The following SLC25A17 variants were observed in gnomAD, a reference collection of about 807,000 sequenced individuals.
The protein encoded by SLC25A17 is solute carrier family 25 member 17.
Under a neutral mutation model 38.5 loss-of-function variants are expected in SLC25A17, and 26 were observed. That is an observed-to-expected ratio of 0.68 (90% CI 0.50 to 0.94). The LOEUF (loss-of-function observed/expected upper bound fraction) is 0.94. Ranked by LOEUF, SLC25A17 falls within the 40% of genes least tolerant of loss-of-function variation. The probability of loss-of-function intolerance (pLI) is 0.00; values close to 1 mark genes in which losing one functional copy is unlikely to be tolerated. For missense variants in SLC25A17, 333 were observed against 372.7 expected, an observed-to-expected ratio of 0.89 and a Z score of 0.88; for synonymous variants, 139 against 136.2, an observed-to-expected ratio of 1.02 and a Z score of -0.14.
chr22:40,772,475 T>C (rs1180880873), intron 8 of SLC25A17, among the ~76,000 whole-genome samples: 1 of 152,086 alleles, frequency 6.6e-6, no homozygotes, highest in Admixed American at 6.6e-5. Context: ...TAGCTAATTT[T>C]TTATTTGTGT....
At chr22:40,802,305 C>G (rs552308841) in intron 1 of SLC25A17, among the ~76,000 whole-genome samples, 1 of 152,060 alleles carries the variant, frequency 6.6e-6, no homozygotes, top group Non-Finnish European at 1.5e-5. Context: ...AACAGTCAGC[C>G]CAAACAGCTC....
intron 4 of SLC25A17, chr22:40,780,332 A>ATCAG (rs1446453839): frequency 1.3e-5 from 2 of 152,244 alleles, no homozygotes; most frequent in African/African-American, 2.4e-5. Context: ...TAATAATTTT[A>ATCAG]TCAGTCGTAT....
intron 2 of SLC25A17, 37 bp from the exon 3 acceptor site, chr22:40,794,617 T>TAAAAAA: frequency 7.1e-7 from 1 of 1,406,122 alleles, no homozygotes; most frequent in Non-Finnish European, 9.7e-7. Context: ...TTTTATTAAT[T>TAAAAAA]AAAAAAAAAA....
intron 8 of SLC25A17, among the ~76,000 whole-genome samples, chr22:40,772,451 GGC>G: frequency 6.6e-6 from 1 of 151,970 alleles, no homozygotes; most frequent in African/African-American, 2.4e-5. Context: ...ACTACAGGCA[GGC>G]ACCAGGATGC....
chr22:40,808,647 ATG>A (rs2057550753), intron 1 of SLC25A17, among the ~76,000 whole-genome samples: 1 of 152,222 alleles, frequency 6.6e-6, no homozygotes, highest in Non-Finnish European at 1.5e-5. Context: ...TCTCTGTACA[ATG>A]TTTTTATAAA....
chr22:40,779,143 G>C lies in SLC25A17; in HGVS notation c.335-18C>G, dbSNP rs995268804. 1.4e-5 allele frequency: 22 copies of C among 1,613,988 alleles called. No homozygotes were observed. The highest frequency in any genetic ancestry group is 1.9e-5 in the Non-Finnish European group (22 of 1,180,032). On this transcript the variant is annotated intron_variant, in intron 4 of 8. Transcript: ENST00000435456. ...AACCACTCCTTTAACAAGAAAGATG[G>C]AGAGAAAAAGGGAAGGCAAAATGTC...
intron 4 of SLC25A17, chr22:40,784,680 A>C (rs756488250): frequency 2.0e-5 from 3 of 151,408 alleles, no homozygotes; most frequent in Admixed American, 6.7e-5. Context: ...AGGCCGAGGC[A>C]GGGGGATCTC....
intron 8 of SLC25A17, among the ~76,000 whole-genome samples, chr22:40,773,210 C>T (rs2057202755): frequency 6.6e-6 from 1 of 151,982 alleles, no homozygotes; most frequent in African/African-American, 2.4e-5. Context: ...GAGATCAAGA[C>T]CATCCTGGCA....
At chr22:40,779,255 G>A in intron 4 of SLC25A17, 130 bp from the exon 5 acceptor site, 1 of 1,529,236 alleles carries the variant, frequency 6.5e-7, no homozygotes, top group Non-Finnish European at 8.8e-7. Context: ...CTAAGGTAAG[G>A]TGTCTCTTTG....
intron 1 of SLC25A17, among the ~76,000 whole-genome samples, chr22:40,801,106 GA>G (rs2057476648): frequency 1.3e-5 from 1 of 74,900 alleles, no homozygotes; most frequent in South Asian, 3.9e-4. Context: ...TCTCAAAAAA[GA>G]AAAAAGAAAA....
Position 40,785,898 on chromosome 22 carries a change from C to G in SLC25A17, c.334+6627G>C, listed in dbSNP as rs2057333827. On this transcript the variant is annotated intron_variant, in intron 4 of 8. Coordinates refer to ENST00000435456, the MANE Select transcript of SLC25A17 (RefSeq NM_006358.4). ...GATTCTCTCACCTTAGCCTCCCAAACTGCTGGGATTATTGACATGAGCCAC... is the reference window on the plus strand; with the variant it reads ...GATTCTCTCACCTTAGCCTCCCAAAGTGCTGGGATTATTGACATGAGCCAC... 2.0e-5 allele frequency among the ~76,000 whole-genome samples: 3 copies of G among 152,046 alleles called. No homozygotes were observed. In the South Asian group the frequency reaches 6.2e-4, roughly 32 times the overall value.
intron 2 of SLC25A17, among the ~76,000 whole-genome samples, chr22:40,797,088 AAACATGCTACCTGCAGT>A (rs1407709559): frequency 2.0e-5 from 3 of 152,220 alleles, no homozygotes; most frequent in Non-Finnish European, 4.4e-5. Context: ...AGAAACTGAT[AAACATGCTACCTGCAGT>A]GAAGAGGAAA....
chr22:40,775,385 T>C (rs987468815), intron 7 of SLC25A17, among the ~76,000 whole-genome samples: 2 of 149,090 alleles, frequency 1.3e-5, no homozygotes, highest in Non-Finnish European at 3.0e-5. Flanking sequence ...ATGGGGGTGG[T>C]TTCCCCTATA....
intron 1 of SLC25A17, among the ~76,000 whole-genome samples, chr22:40,813,477 G>A (rs911673887): frequency 2.0e-5 from 3 of 152,166 alleles, no homozygotes; most frequent in Non-Finnish European, 4.4e-5. Context: ...GGCAGAGGTT[G>A]CAGTAAGCCG....
chr22:40,789,140 C>A lies in SLC25A17; in HGVS notation c.334+3385G>T. The A allele has an allele frequency of 3.8e-6, 1 of 262,366 alleles. No homozygotes were observed. The allele number at this position is 262,366 out of a possible 1,614,324, so 16.3% of individuals were successfully genotyped here. A position where few individuals can be genotyped will look rare whatever the true frequency, so the allele number is the denominator to read the frequency against. ...CTGGATATATCGGCTGGCAGATTAT[C>A]TACCACTTGCTCAGGAAAATTAGCT... On this transcript the variant is annotated intron_variant, in intron 4 of 8. Transcript: ENST00000435456. This position sits in a 1 kb window ranked among gnomAD's most constrained non-coding sequence, Gnocchi z 4.5.
intron 1 of SLC25A17, among the ~76,000 whole-genome samples, chr22:40,800,789 CAAA>C (rs150918938): frequency 2.7e-5 from 3 of 110,354 alleles, no homozygotes; most frequent in South Asian, 3.0e-4. Context: ...GAGTCTGCCT[CAAA>C]AAAAAAAAAA....
At chr22:40,771,763 G>T (rs1411088797) in intron 8 of SLC25A17, among the ~76,000 whole-genome samples, 1 of 152,156 alleles carries the variant, frequency 6.6e-6, no homozygotes, top group African/African-American at 2.4e-5. Context: ...TACAAAAATA[G>T]ATAGTTTGAA....
intron 1 of SLC25A17, among the ~76,000 whole-genome samples, chr22:40,801,128 C>CAT (rs60780380): frequency 0.067 from 6,691 of 100,376 alleles, 276 homozygotes; most frequent in East Asian, 0.13. Context: ...AAATATATTA[C>CAT]ATATATATAT....
chr22:40,784,604 T>A, intron 4 of SLC25A17: 1 of 233,926 alleles, frequency 4.3e-6, no homozygotes, highest in Non-Finnish European at 9.2e-6. Flanking sequence ...AAGACCCCCA[T>A]CTGTACAAAA....
Sources: allele counts gnomAD v4.1 joint callset (sites outside exome capture counted in the v4.1 genomes callset), GRCh38; gene constraint gnomAD v4.1.1; non-coding constraint Gnocchi (gnomAD v3.1); transcripts MANE v1.5; gene names NCBI Gene and HGNC (gene_info 2026-07-23, HGNC 2026-07-21).